Variants in MGAT4C observed in about 807,000 individuals in gnomAD.
MGAT4C encodes the protein alpha-1,3-mannosyl-glycoprotein 4-beta-N-acetylglucosaminyltransferase C.
A neutral mutation model predicts 40.1 loss-of-function variants in MGAT4C; 19 were observed. The ratio of observed to expected loss-of-function variants is 0.47; its 90% CI spans 0.33 to 0.70. The LOEUF is 0.70. Among genes scored for constraint, MGAT4C ranks in the 30% least tolerant of loss-of-function variants. The pLI is 0.02. For synonymous variants in MGAT4C, 181 were observed against 187.1 expected (o/e 0.97, Z 0.27); for missense variants, 491 against 563.2 (o/e 0.87, Z 1.30).
At chr12:86,765,834 A>G (rs2136159621) in intron 1 of MGAT4C, among the ~76,000 whole-genome samples, 1 of 152,302 alleles carries the variant, frequency 6.6e-6, no homozygotes, top group South Asian at 2.1e-4. Context: ...TTTTGTCACC[A>G]CCAGGCCTGC....
intron 4 of MGAT4C, among the ~76,000 whole-genome samples, chr12:86,281,511 TATAA>T (rs1430273959): frequency 1.3e-5 from 2 of 152,052 alleles, no homozygotes; most frequent in Non-Finnish European, 2.9e-5. Flanking sequence ...GGAGAAGTTT[TATAA>T]ATAATTATTG....
At chr12:86,196,035 A>G (rs904036698) in intron 1 of MGAT4C, among the ~76,000 whole-genome samples, 1 of 152,228 alleles carries the variant, frequency 6.6e-6, no homozygotes, top group Non-Finnish European at 1.5e-5. Flanking sequence ...TGAAGCTGCT[A>G]TAACAAAACA....
At chr12:86,763,878 G>A (rs1368662545) in intron 1 of MGAT4C, among the ~76,000 whole-genome samples, 1 of 152,124 alleles carries the variant, frequency 6.6e-6, no homozygotes, top group African/African-American at 2.4e-5. Context: ...CATTATTAGA[G>A]GGCAGCCAAG....
At chr12:86,723,929 T>C (rs1469034015) in intron 2 of MGAT4C, among the ~76,000 whole-genome samples, 1 of 152,222 alleles carries the variant, frequency 6.6e-6, no homozygotes, top group African/African-American at 2.4e-5. Context: ...AAAAGATTTC[T>C]GAAATTGTGT....
intron 2 of MGAT4C, among the ~76,000 whole-genome samples, chr12:86,633,201 A>G (rs562181810): frequency 6.6e-6 from 1 of 152,208 alleles, no homozygotes; most frequent in Non-Finnish European, 1.5e-5. Context: ...ATAGAAGATT[A>G]GAGATAAAAT....
chr12:86,390,151 G>A (rs1394377451), intron 3 of MGAT4C, among the ~76,000 whole-genome samples: 1 of 152,220 alleles, frequency 6.6e-6, no homozygotes, highest in East Asian at 1.9e-4. Flanking sequence ...ACACTAAGCT[G>A]ATTCCAAAAG....
intron 2 of MGAT4C, among the ~76,000 whole-genome samples, chr12:86,506,478 T>C (rs1443885969): frequency 6.6e-6 from 1 of 152,172 alleles, no homozygotes. Context: ...GCAGTAGACA[T>C]TGAATGATTT....
chr12:86,294,628 G>A (rs1490753924), intron 4 of MGAT4C, among the ~76,000 whole-genome samples: 1 of 152,140 alleles, frequency 6.6e-6, no homozygotes, highest in Non-Finnish European at 1.5e-5. Context: ...AACAAGTAAT[G>A]TGAAATATTC....
intron 1 of MGAT4C, among the ~76,000 whole-genome samples, chr12:86,817,716 C>T (rs546730772): frequency 6.6e-6 from 1 of 151,456 alleles, no homozygotes; most frequent in Non-Finnish European, 1.5e-5. Flanking sequence ...ACTTCTTCTG[C>T]AAAGTTTGTC....
chr12:86,049,451 A>G (rs1005168751), intron 2 of MGAT4C, among the ~76,000 whole-genome samples: 3 of 152,016 alleles, frequency 2.0e-5, no homozygotes, highest in African/African-American at 7.2e-5. Flanking sequence ...TAATCAAAGT[A>G]TCACGTTACA....
At chr12:86,255,573 T>C (rs965156279) in intron 1 of MGAT4C, among the ~76,000 whole-genome samples, 5 of 152,178 alleles carry the variant, frequency 3.3e-5, no homozygotes, top group Non-Finnish European at 5.9e-5. Flanking sequence ...TATTTTATTA[T>C]GCACCAAAAA....
At chr12:86,715,230 T>C (rs1441615071) in intron 2 of MGAT4C, among the ~76,000 whole-genome samples, 2 of 152,166 alleles carry the variant, frequency 1.3e-5, no homozygotes, top group Non-Finnish European at 2.9e-5. Context: ...TCTTTTCTAT[T>C]ACTTAAACAT....
rs75580692 is a variant in MGAT4C, at chr12:86,060,456, G to A, written c.-56-10733C>T. ...TATGTTTATGGCTGGCTATTTAGTC[G>A]TATCATGATACAATACTTGCAATAA... On this transcript the variant is annotated intron_variant, in intron 1 of 4. Coordinates refer to ENST00000611864, the MANE Select transcript of MGAT4C (RefSeq NM_001351288.2). 7.4e-3 allele frequency among the ~76,000 whole-genome samples: 1,126 copies of A among 152,014 alleles called. 9 individuals carry two copies. Among genetic ancestry groups the A allele is most frequent in the Non-Finnish European group, 0.011 (760 of 67,978 alleles).
In MGAT4C at chr12:86,568,545, CAT is replaced by C. The variant is rs1232291041; in HGVS notation, c.-228-133282_-228-133281del. On this transcript the variant is annotated intron_variant, in intron 2 of 7. Coordinates refer to the MGAT4C transcript ENST00000548651. ...AGTCAATATTCCTTAAACTCCCCTT[CAT>C]ATATATATATATATATATATCCTGT... Among the ~76,000 whole-genome samples the C allele has an allele frequency of 1.9e-3, 260 of 138,674 alleles. 1 individual carries two copies. The highest frequency in any genetic ancestry group is 5.9e-3 in the African/African-American group (221 of 37,614). 91.0% of individuals were successfully genotyped at this position (138,674 alleles called of 152,430 possible). A position where few individuals can be genotyped will look rare whatever the true frequency, so the allele number is the denominator to read the frequency against.
rs753500818 is a variant in MGAT4C at position 86,037,951 on chromosome 12, C to G, written c.-7+11723G>C. Among the ~76,000 whole-genome samples the G allele has an allele frequency of 8.0e-5, 12 of 149,106 alleles. 1 individual carries two copies. Among genetic ancestry groups the G allele is most frequent in the Non-Finnish European group, 1.7e-4 (11 of 66,552 alleles). ...AGCGTTGGGGTGATCAGACCCAACACCAGGTCATGGGGGTGACGAAGTCCA... is the reference window on the plus strand; with the variant it reads ...AGCGTTGGGGTGATCAGACCCAACAGCAGGTCATGGGGGTGACGAAGTCCA... On this transcript the variant is annotated intron_variant, in intron 2 of 4. Coordinates refer to ENST00000611864, the MANE Select transcript of MGAT4C (RefSeq NM_001351288.2).
intron 1 of MGAT4C, among the ~76,000 whole-genome samples, chr12:86,200,175 G>T (rs1259526223): frequency 5.9e-5 from 5 of 85,248 alleles, no homozygotes; most frequent in Admixed American, 2.0e-4. Context: ...TTTTTGGTCT[G>T]GCTTTTGTTT....
At chr12:86,025,333 T>G (rs944514604) in intron 2 of MGAT4C, among the ~76,000 whole-genome samples, 1 of 151,760 alleles carries the variant, frequency 6.6e-6, no homozygotes, top group African/African-American at 2.4e-5. Context: ...CTATTTTGCA[T>G]TATTTCCCTT....
At chr12:86,684,207 G>A (rs535430138) in intron 2 of MGAT4C, among the ~76,000 whole-genome samples, 2 of 152,140 alleles carry the variant, frequency 1.3e-5, no homozygotes, top group South Asian at 4.2e-4. Flanking sequence ...AACAGGCCCT[G>A]ATGTGTGATG....
At chr12:86,039,654 A>C (rs183356165) in intron 2 of MGAT4C, among the ~76,000 whole-genome samples, 61 of 152,146 alleles carry the variant, frequency 4.0e-4, no homozygotes, top group African/African-American at 1.3e-3. Context: ...GCTTCCTTGC[A>C]GTTGGTTAGA....
Sources: allele counts gnomAD v4.1 joint callset (sites outside exome capture counted in the v4.1 genomes callset), GRCh38; gene constraint gnomAD v4.1.1; transcripts MANE v1.5; gene names NCBI Gene and HGNC (gene_info 2026-07-23, HGNC 2026-07-21).